The following NRXN3 variants were observed in gnomAD, a reference collection of about 807,000 sequenced individuals.
The protein encoded by NRXN3 is neurexin 3.
Under a neutral mutation model 137.6 loss-of-function variants are expected in NRXN3, and 32 were observed. The ratio of observed to expected loss-of-function variants is 0.23; its 90% CI spans 0.18 to 0.31. The LOEUF (loss-of-function observed/expected upper bound fraction) is 0.31, where lower values mean the gene tolerates loss of function less well. Ranked by LOEUF, NRXN3 falls within the 10% of genes least tolerant of loss-of-function variation. The probability of loss-of-function intolerance (pLI) is 1.00; values close to 1 mark genes in which losing one functional copy is unlikely to be tolerated. For missense variants in NRXN3, 1,574 were observed against 2,062.5 expected (o/e 0.76, Z 4.59); for synonymous variants, 798 against 784.5 (o/e 1.02, Z -0.29).
rs141539201 is a variant in NRXN3 at position 79,837,759 on chromosome 14, C to A, written c.4094-23583C>A. 1.0e-3 allele frequency among the ~76,000 whole-genome samples: 155 copies of A among 152,242 alleles called. 3 individuals carry two copies. Among genetic ancestry groups the A allele is most frequent in the African/African-American group, 3.3e-3 (137 of 41,562 alleles). On this transcript the variant is annotated intron_variant, in intron 20 of 20. Coordinates refer to ENST00000335750, the MANE Select transcript of NRXN3 (RefSeq NM_001330195.2). ...TTCTTTCTAAACCAAATAAATAAATCTTCGAGACTGCAGGTTAATCAAATG... is the reference window on the plus strand; with the variant it reads ...TTCTTTCTAAACCAAATAAATAAATATTCGAGACTGCAGGTTAATCAAATG...
At chr14:78,369,671 G>A (rs1486027697) in intron 4 of NRXN3, among the ~76,000 whole-genome samples, 1 of 152,186 alleles carries the variant, frequency 6.6e-6, no homozygotes, top group Non-Finnish European at 1.5e-5. Flanking sequence ...GTCTAAGACA[G>A]AGCTGTTTCT....
In NRXN3 at chr14:79,681,846, G is replaced by A. The variant is rs146881546; in HGVS notation, c.3617-10327G>A. ...TTTTCTCCTTCCAACCCTGATTCAGGTCTCAAGCTGTGGTTGGAAATCAGT... is the reference window on the plus strand; with the variant it reads ...TTTTCTCCTTCCAACCCTGATTCAGATCTCAAGCTGTGGTTGGAAATCAGT... On this transcript the variant is annotated intron_variant, in intron 17 of 20. Coordinates refer to ENST00000335750, the MANE Select transcript of NRXN3 (RefSeq NM_001330195.2). Among the ~76,000 whole-genome samples the A allele has an allele frequency of 8.7e-3, 1,324 of 152,010 alleles. 19 individuals carry two copies. Among genetic ancestry groups the A allele is most frequent in the Middle Eastern group, 0.024 (7 of 294 alleles).
intron 15 of NRXN3, among the ~76,000 whole-genome samples, chr14:79,361,411 A>G (rs1453336368): frequency 6.6e-6 from 1 of 152,154 alleles, no homozygotes; most frequent in African/African-American, 2.4e-5. Context: ...GCCCCTGACC[A>G]AACAATTGAT....
chr14:78,629,554 C>T (rs1429229964), intron 4 of NRXN3, among the ~76,000 whole-genome samples: 3 of 152,238 alleles, frequency 2.0e-5, no homozygotes, highest in African/African-American at 7.2e-5. Flanking sequence ...AAGTTTCTGC[C>T]TGTTTCTGGA....
intron 15 of NRXN3, among the ~76,000 whole-genome samples, chr14:79,447,952 G>A (rs1261829794): frequency 6.6e-6 from 1 of 152,160 alleles, no homozygotes; most frequent in Non-Finnish European, 1.5e-5. Context: ...GAGTTTTAAT[G>A]TCCTGTTTAA....
chr14:78,836,990 G>A (rs1244508785), intron 10 of NRXN3, among the ~76,000 whole-genome samples: 2 of 152,124 alleles, frequency 1.3e-5, no homozygotes, highest in African/African-American at 2.4e-5. Flanking sequence ...GCTGGAGTCT[G>A]TGAAGGCAGT....
At chr14:78,454,324 C>T (rs576527234) in intron 4 of NRXN3, among the ~76,000 whole-genome samples, 5 of 152,174 alleles carry the variant, frequency 3.3e-5, no homozygotes, top group African/African-American at 9.6e-5. Context: ...ATGTCCAAGC[C>T]CCATTCCCAG....
At chr14:79,042,017 A>G (rs374615953) in intron 15 of NRXN3, among the ~76,000 whole-genome samples, 16 of 152,320 alleles carry the variant, frequency 1.1e-4, no homozygotes, top group Admixed American at 2.0e-4. Flanking sequence ...AGGAAAAAGC[A>G]AAGTGGAGAA....
intron 15 of NRXN3, among the ~76,000 whole-genome samples, chr14:79,081,315 G>A (rs1334464366): frequency 6.6e-6 from 1 of 152,168 alleles, no homozygotes; most frequent in African/African-American, 2.4e-5. Flanking sequence ...AACAGAGTGA[G>A]AAAAGATATG....
intron 19 of NRXN3, among the ~76,000 whole-genome samples, chr14:79,736,501 G>A (rs138604452): frequency 2.5e-4 from 38 of 152,250 alleles, no homozygotes; most frequent in Middle Eastern, 3.4e-3. Context: ...GAATACACAG[G>A]TCTATCAGTT....
chr14:78,662,905 A>G (rs1164284320), intron 6 of NRXN3, among the ~76,000 whole-genome samples: 1 of 152,232 alleles, frequency 6.6e-6, no homozygotes, highest in Non-Finnish European at 1.5e-5. Context: ...TTACAACCAC[A>G]GCAATTATAA....
At chr14:78,716,063 A>G (rs2098431512) in intron 8 of NRXN3, among the ~76,000 whole-genome samples, 2 of 151,508 alleles carry the variant, frequency 1.3e-5, no homozygotes, top group African/African-American at 4.9e-5. Flanking sequence ...GGTGGGGAGG[A>G]GGGGCATGAG....
chr14:78,708,153 G>C (rs1035932578), intron 6 of NRXN3, among the ~76,000 whole-genome samples: 3 of 152,164 alleles, frequency 2.0e-5, no homozygotes, highest in Non-Finnish European at 2.9e-5. Flanking sequence ...CTGTTAGACA[G>C]TCATAACAGA....
chr14:78,620,973 C>T (rs1449491377), intron 4 of NRXN3, among the ~76,000 whole-genome samples: 1 of 152,116 alleles, frequency 6.6e-6, no homozygotes, highest in Non-Finnish European at 1.5e-5. Flanking sequence ...TCTGGAAGTT[C>T]CAATCTTTCT....
intron 15 of NRXN3, among the ~76,000 whole-genome samples, chr14:79,404,241 C>T (rs1363473249): frequency 6.6e-6 from 1 of 152,180 alleles, no homozygotes; most frequent in Non-Finnish European, 1.5e-5. Flanking sequence ...CTATAAGGAA[C>T]TTCAACAAAT....
At chr14:78,346,111 G>A (rs1351521889) in intron 4 of NRXN3, among the ~76,000 whole-genome samples, 1 of 152,184 alleles carries the variant, frequency 6.6e-6, no homozygotes, top group Non-Finnish European at 1.5e-5. Flanking sequence ...GCTCTATTGA[G>A]ACCTGAAGCA....
chr14:78,180,918 C>T (rs2059751120), intron 1 of NRXN3, among the ~76,000 whole-genome samples: 1 of 152,182 alleles, frequency 6.6e-6, no homozygotes. Context: ...ATTGAAATCA[C>T]CATATTAAAA....
chr14:79,503,801 A>C (rs778870163), intron 16 of NRXN3, among the ~76,000 whole-genome samples: 7 of 152,174 alleles, frequency 4.6e-5, no homozygotes, highest in Non-Finnish European at 7.3e-5. Flanking sequence ...GTGATGAATC[A>C]ATCCACTTAC....
intron 8 of NRXN3, among the ~76,000 whole-genome samples, chr14:78,769,347 T>G (rs2152994037): frequency 6.6e-6 from 1 of 152,324 alleles, no homozygotes; most frequent in East Asian, 1.9e-4. Flanking sequence ...CAGTATGACC[T>G]TGTCGTAACT....
Sources: allele counts gnomAD v4.1 joint callset (sites outside exome capture counted in the v4.1 genomes callset), GRCh38; gene constraint gnomAD v4.1.1; transcripts MANE v1.5; gene names NCBI Gene and HGNC (gene_info 2026-07-23, HGNC 2026-07-21).